Variants in BIN1 observed in about 807,000 individuals in gnomAD.
BIN1 encodes bridging integrator 1, also known as myc box-dependent-interacting protein 1.
BIN1 carries 53 observed loss-of-function variants against 82.0 expected under a neutral mutation model. That is an observed-to-expected ratio of 0.65 (90% CI 0.52 to 0.81). BIN1 has a LOEUF of 0.81. BIN1 is among the 40% of genes least tolerant of loss of function. The pLI, the probability that BIN1 is intolerant of heterozygous loss-of-function variation, is 0.00. For missense variants in BIN1, 642 were observed against 784.4 expected, an observed-to-expected ratio of 0.82 and a Z score of 2.17; for synonymous variants, 302 against 328.0, an observed-to-expected ratio of 0.92 and a Z score of 0.86.
intron 5 of BIN1, among the ~76,000 whole-genome samples, 199 bp from the exon 6 acceptor site, chr2:127,069,230 C>T (rs1057105990): frequency 6.6e-6 from 1 of 152,192 alleles, no homozygotes; most frequent in Non-Finnish European, 1.5e-5. Flanking sequence ...TGTGAAACCA[C>T]TTCCTTGCAC....
At chr2:127,064,675 A>T (rs956574736) in intron 7 of BIN1, 1 of 164,758 alleles carries the variant, frequency 6.1e-6, no homozygotes, top group African/African-American at 2.4e-5. Flanking sequence ...GTGCAGGGCC[A>T]GGGAGGAGGC....
rs751461352 is a variant in BIN1 at position 127,059,940 on chromosome 2, G to A, written c.858-785C>T. 1.3e-5 allele frequency among the ~76,000 whole-genome samples: 2 copies of A among 152,146 alleles called. No individual in the cohort carries two copies. The highest frequency in any genetic ancestry group is 4.8e-5 in the African/African-American group (2 of 41,422). On this transcript the variant is annotated intron_variant, in intron 10 of 18. Coordinates refer to ENST00000316724, the MANE Select transcript of BIN1 (RefSeq NM_139343.3). The surrounding 1 kb of genome is among the most constrained non-coding windows in gnomAD (Gnocchi z 6.7). ...AGTACGGTTGCCACTAGCCACAGGC[G>A]GCAATGCAAACTCAAAGCAATGAAA...
chr2:127,058,793 G>C (rs1000943341), intron 11 of BIN1, among the ~76,000 whole-genome samples: 3 of 152,084 alleles, frequency 2.0e-5, no homozygotes, highest in African/African-American at 7.2e-5. Context: ...TGGGGGCTGG[G>C]GAGGAGCGAG....
At chr2:127,081,892 T>C in intron 1 of BIN1, 2 of 1,282,150 alleles carry the variant, frequency 1.6e-6, no homozygotes, top group Non-Finnish European at 2.0e-6. Context: ...AAGTGAGCCC[T>C]GTCTCGCCCC....
intron 1 of BIN1, among the ~76,000 whole-genome samples, chr2:127,101,195 A>G (rs1424847926): frequency 6.6e-6 from 1 of 152,032 alleles, no homozygotes; most frequent in African/African-American, 2.4e-5. Context: ...CCTGCCCTGC[A>G]CAAACACCCA....
chr2:127,056,732 G>T (rs1683725529), intron 12 of BIN1, among the ~76,000 whole-genome samples: 1 of 152,334 alleles, frequency 6.6e-6, no homozygotes, highest in East Asian at 1.9e-4. Flanking sequence ...GGCCACCTCT[G>T]GGCAAATCTG....
chr2:127,053,511 T>G, intron 13 of BIN1, 66 bp from the exon 14 acceptor site: 1 of 1,593,126 alleles, frequency 6.3e-7, no homozygotes, highest in South Asian at 1.1e-5. Flanking sequence ...CGGCAAGCAG[T>G]CCCCAGGGAC....
intron 13 of BIN1, 49 bp from the exon 14 acceptor site, chr2:127,053,494 G>C: frequency 6.2e-7 from 1 of 1,607,880 alleles, no homozygotes; most frequent in South Asian, 1.1e-5. Flanking sequence ...AGAGGTTAGA[G>C]ACAGGGCGGC....
chr2:127,053,191 C>G (rs1293982289), intron 14 of BIN1: 2 of 629,066 alleles, frequency 3.2e-6, no homozygotes, highest in African/African-American at 3.6e-5. Flanking sequence ...CTGTCTCAAG[C>G]TAAACCGAAG....
chr2:127,052,125 G>A lies in BIN1; in HGVS notation c.1371+130C>T, dbSNP rs1683034542. The A allele has an allele frequency of 4.9e-6, 5 of 1,026,708 alleles. No individual in the cohort carries two copies. In the South Asian group the frequency reaches 6.8e-5, roughly 14 times the overall value. 63.6% of individuals were successfully genotyped at this position (1,026,708 alleles called of 1,614,324 possible). ...GCCCGTGCTGGGGCAGCCTAGCTCA[G>A]GACCCTGTCCTCACCCTCACATCCA... On this transcript the variant is annotated intron_variant, in intron 15 of 18. Coordinates refer to ENST00000316724, the MANE Select transcript of BIN1 (RefSeq NM_139343.3).
In BIN1 at chr2:127,059,361, C is replaced by G. The variant is rs977478161; in HGVS notation, c.858-206G>C. ...GGCTTGGGGGGCTGGAAGTGGGAAGCCTGCCTCAGAAACAGGAACAGCACA... is the reference window on the plus strand; with the variant it reads ...GGCTTGGGGGGCTGGAAGTGGGAAGGCTGCCTCAGAAACAGGAACAGCACA... On this transcript the variant is annotated intron_variant, in intron 10 of 18. Coordinates refer to ENST00000316724, the MANE Select transcript of BIN1 (RefSeq NM_139343.3). The surrounding 1 kb of genome is among the most constrained non-coding windows in gnomAD (Gnocchi z 6.7). Among the ~76,000 whole-genome samples, 38 of 151,864 alleles carry G rather than the reference C, an allele frequency of 2.5e-4. No homozygotes were observed. Among genetic ancestry groups the G allele is most frequent in the African/African-American group, 8.7e-4 (36 of 41,400 alleles).
chr2:127,062,692 C>G (rs1356216111), intron 9 of BIN1, among the ~76,000 whole-genome samples: 1 of 152,130 alleles, frequency 6.6e-6, no homozygotes, highest in Non-Finnish European at 1.5e-5. Context: ...AGCTCAGAGC[C>G]GAATCTTCAT....
rs1679201185 is a variant in BIN1 at position 127,093,505 on chromosome 2, A to G, written c.84+13355T>C. 6.6e-6 allele frequency among the ~76,000 whole-genome samples: 1 copy of G among 152,178 alleles called. No individual in the cohort carries two copies. Among genetic ancestry groups the G allele is most frequent in the African/African-American group, 2.4e-5 (1 of 41,448 alleles). Reference sequence around the variant, plus strand: ...TGTGGGAGGAAGCCACACAACACAGAGAGGCCGGAAAGAAGCCGAGCCGAC... The same window carrying G: ...TGTGGGAGGAAGCCACACAACACAGGGAGGCCGGAAAGAAGCCGAGCCGAC... On this transcript the variant is annotated intron_variant, in intron 1 of 18. Transcript: ENST00000316724. The surrounding 1 kb of genome is among the most constrained non-coding windows in gnomAD (Gnocchi z 5.7).
rs1685480177 is a variant in BIN1, at chr2:127,068,741, G to C, written c.519+183C>G. Among the ~76,000 whole-genome samples, 1 of 152,164 alleles carries C rather than the reference G, an allele frequency of 6.6e-6. No individual in the cohort carries two copies. Among genetic ancestry groups the C allele is most frequent in the South Asian group, 2.1e-4 (1 of 4,832 alleles). ...GGCACGGGGGGCAGGAATGGGCCTAGGGTGGACCTCACCCAGGCACCCACA... is the reference window on the plus strand; with the variant it reads ...GGCACGGGGGGCAGGAATGGGCCTACGGTGGACCTCACCCAGGCACCCACA... On this transcript the variant is annotated intron_variant, in intron 6 of 18. Coordinates refer to ENST00000316724, the MANE Select transcript of BIN1 (RefSeq NM_139343.3). This position sits in a 1 kb window ranked among gnomAD's most constrained non-coding sequence, Gnocchi z 4.9.
At position 127,059,859 on chromosome 2, in the gene BIN1, C is replaced by T. The variant is rs1684213987; in HGVS notation, c.858-704G>A. Among the ~76,000 whole-genome samples, 1 of 152,160 alleles carries T rather than the reference C, an allele frequency of 6.6e-6. No individual in the cohort carries two copies. Among genetic ancestry groups the T allele is most frequent in the Non-Finnish European group, 1.5e-5 (1 of 68,026 alleles). ...CACCCCAGGCACAGGGGCGAAGGTGCAGGGAGAAAATTCTCTACCAGAACC... is the reference window on the plus strand; with the variant it reads ...CACCCCAGGCACAGGGGCGAAGGTGTAGGGAGAAAATTCTCTACCAGAACC... On this transcript the variant is annotated intron_variant, in intron 10 of 18. Coordinates refer to ENST00000316724, the MANE Select transcript of BIN1 (RefSeq NM_139343.3). This position sits in a 1 kb window ranked among gnomAD's most constrained non-coding sequence, Gnocchi z 6.7.
At chr2:127,074,151 GA>G (rs1686291532) in intron 2 of BIN1, among the ~76,000 whole-genome samples, 1 of 152,100 alleles carries the variant, frequency 6.6e-6, no homozygotes, top group Non-Finnish European at 1.5e-5. Flanking sequence ...TCAGAGGCAA[GA>G]AAAAGCTCCA....
In BIN1 at chr2:127,068,899, G is replaced by A; in HGVS notation, c.519+25C>T. On this transcript the variant is annotated intron_variant, in intron 6 of 18. Coordinates refer to ENST00000316724, the MANE Select transcript of BIN1 (RefSeq NM_139343.3). This position sits in a 1 kb window ranked among gnomAD's most constrained non-coding sequence, Gnocchi z 4.9. ...CCTCTCTCAGCCCCCTGCAGACGCTGCCCCGACCCGCCTCCAGCCCTTACC... is the reference window on the plus strand; with the variant it reads ...CCTCTCTCAGCCCCCTGCAGACGCTACCCCGACCCGCCTCCAGCCCTTACC... 6.2e-7 allele frequency: 1 copy of A among 1,601,364 alleles called. No homozygotes were observed. The highest frequency in any genetic ancestry group is 1.7e-4 in the Middle Eastern group (1 of 6,040).
chr2:127,050,628 G>A (rs867904674), intron 17 of BIN1, 106 bp from the exon 18 acceptor site: 1 of 1,398,584 alleles, frequency 7.2e-7, no homozygotes, highest in African/African-American at 1.4e-5. Context: ...TGGAGACCAG[G>A]AGTGCTCAAA....
At chr2:127,060,722 C>T in intron 10 of BIN1, 7 of 1,556,214 alleles carry the variant, frequency 4.5e-6, no homozygotes, top group Non-Finnish European at 2.6e-6. Flanking sequence ...TCCCTCTTTG[C>T]CAACCCTTCT....
Sources: gnomAD v4.1 joint callset for allele counts (sites outside exome capture counted in the v4.1 genomes callset) on GRCh38, gnomAD v4.1.1 for gene constraint, Gnocchi (gnomAD v3.1) non-coding constraint, MANE v1.5 for transcripts, NCBI Gene and HGNC (gene_info 2026-07-23, HGNC 2026-07-21) for gene names.